The following TXNDC9 variants were observed in gnomAD, a reference collection of about 807,000 sequenced individuals.
TXNDC9 encodes the protein thioredoxin domain containing 9.
A neutral mutation model predicts 23.0 loss-of-function variants in TXNDC9; 7 were observed. The ratio of observed to expected loss-of-function variants is 0.30; its 90% confidence interval spans 0.17 to 0.57. The LOEUF (loss-of-function observed/expected upper bound fraction) is 0.57. Ranked by LOEUF, TXNDC9 falls within the 20% of genes least tolerant of loss-of-function variation. The pLI is 0.90. For missense variants in TXNDC9, 198 were observed against 252.6 expected (o/e 0.78, Z 1.47); for synonymous variants, 72 against 90.6 (o/e 0.79, Z 1.17).
chr2:99,331,366 G>A (rs937858309), intron 2 of TXNDC9, among the ~76,000 whole-genome samples: 7 of 151,872 alleles, frequency 4.6e-5, no homozygotes, highest in East Asian at 3.9e-4. Context: ...ATTTGAGGTC[G>A]GAATTTGAGA....
chr2:99,306,487 CA>C, the TXNDC9 span, among the ~76,000 whole-genome samples: 6,683 of 151,826 alleles, frequency 0.044, 221 homozygotes, highest in Middle Eastern at 0.068. Context: ...TGGGGAAAAT[CA>C]AGCTGCTTAG....
downstream of TXNDC9, among the ~76,000 whole-genome samples, chr2:99,316,324 C>T (rs1286779116): frequency 6.6e-6 from 1 of 152,028 alleles, no homozygotes; most frequent in Non-Finnish European, 1.5e-5. Context: ...GTGGATGCCA[C>T]CACACCTGGC....
chr2:99,310,924 C>T, the TXNDC9 span, among the ~76,000 whole-genome samples: 6 of 152,320 alleles, frequency 3.9e-5, no homozygotes, highest in East Asian at 3.9e-4. Context: ...ATCTTTTCTC[C>T]GTTCCTTCCT....
At chr2:99,316,946 C>T (rs1056432312), downstream of TXNDC9, among the ~76,000 whole-genome samples, 34 of 152,182 alleles carry the variant, frequency 2.2e-4, no homozygotes, top group African/African-American at 7.5e-4. Flanking sequence ...TTAGTAGAGA[C>T]GGGGTTTCAC....
chr2:99,330,842 C>A (rs1397831947), intron 2 of TXNDC9, among the ~76,000 whole-genome samples: 2 of 152,170 alleles, frequency 1.3e-5, no homozygotes, highest in African/African-American at 2.4e-5. Context: ...AATATCTATA[C>A]AAATCACTAG....
chr2:99,335,266 G>A (rs902685340), intron 1 of TXNDC9, among the ~76,000 whole-genome samples: 8 of 152,094 alleles, frequency 5.3e-5, no homozygotes, highest in Non-Finnish European at 1.0e-4. Context: ...GACCCACACA[G>A]GCCCTCTATA....
intron 2 of TXNDC9, among the ~76,000 whole-genome samples, chr2:99,328,814 TAA>T (rs776666484): frequency 1.5e-4 from 20 of 133,766 alleles, no homozygotes; most frequent in Admixed American, 1.5e-4. Flanking sequence ...CGTCTCTACT[TAA>T]AAAAAAAAAA....
chr2:99,308,553 G>A, the TXNDC9 span, among the ~76,000 whole-genome samples: 1 of 151,968 alleles, frequency 6.6e-6, no homozygotes, highest in East Asian at 1.9e-4. Context: ...GTGAGGCAAT[G>A]GGCTGGAATG....
At chr2:99,335,841 G>C (rs985557535) in intron 1 of TXNDC9, among the ~76,000 whole-genome samples, 2 of 152,342 alleles carry the variant, frequency 1.3e-5, no homozygotes, top group African/African-American at 4.8e-5. Context: ...CCCCTCGTTA[G>C]CTTTTCATTT....
rs1486816990 is a variant in TXNDC9 at position 99,322,206 on chromosome 2, A to G, written c.312T>C (p.Cys104=). 2 of 1,613,316 alleles carry G rather than the reference A, an allele frequency of 1.2e-6. No homozygotes were observed. The highest frequency in any genetic ancestry group is 2.2e-5 in the South Asian group (2 of 91,034). ...CHFYRDSTFR[C]KILDRHLAIL... ...TTGCCAGATGTCTGTCTAGTATTTTACACCTGTAAGTGACCACACATAGAA... is the reference window on the plus strand; with the variant it reads ...TTGCCAGATGTCTGTCTAGTATTTTGCACCTGTAAGTGACCACACATAGAA... The change falls in exon 4 of 5, where the codon TGT becomes TGC. Residue 104 remains cysteine, a synonymous_variant. Transcript: ENST00000264255.
At chr2:99,321,555 T>C (rs1015354429) in intron 4 of TXNDC9, 4 of 155,980 alleles carry the variant, frequency 2.6e-5, no homozygotes, top group African/African-American at 9.6e-5. Flanking sequence ...GAGTCTGCTT[T>C]TAATTTTTAT....
At chr2:99,306,579 G>A in the TXNDC9 span, among the ~76,000 whole-genome samples, 6 of 152,174 alleles carry the variant, frequency 3.9e-5, no homozygotes, top group East Asian at 1.9e-4. Flanking sequence ...AACTTGGGAA[G>A]GAATCCTTCC....
intron 1 of TXNDC9, among the ~76,000 whole-genome samples, chr2:99,334,316 T>C (rs1289191877): frequency 2.6e-5 from 4 of 152,066 alleles, no homozygotes; most frequent in African/African-American, 9.7e-5. Flanking sequence ...AACGCACCAC[T>C]TGCACCCCAC....
At chr2:99,327,111 C>T (rs2094214348) in intron 3 of TXNDC9, among the ~76,000 whole-genome samples, 1 of 151,974 alleles carries the variant, frequency 6.6e-6, no homozygotes, top group African/African-American at 2.4e-5. Context: ...CTCACTCTAT[C>T]GCTCGAGCTG....
downstream of TXNDC9, among the ~76,000 whole-genome samples, chr2:99,315,625 T>G (rs1407039012): frequency 6.6e-6 from 1 of 152,230 alleles, no homozygotes; most frequent in African/African-American, 2.4e-5. Context: ...ATATTCCTCT[T>G]AGAGTTTTAT....
intron 4 of TXNDC9, 154 bp downstream of exon 4, chr2:99,321,801 A>C: frequency 1.2e-6 from 1 of 853,768 alleles, no homozygotes; most frequent in Non-Finnish European, 1.7e-6. Flanking sequence ...AATATTACAC[A>C]CTTCAAAAAA....
At chr2:99,322,607 A>T (rs908163918) in intron 3 of TXNDC9, 11 of 1,540,502 alleles carry the variant, frequency 7.1e-6, no homozygotes, top group Non-Finnish European at 8.7e-6. Context: ...AGTCATGAAG[A>T]AAAACTGAAC....
At chr2:99,331,404 A>G (rs1452520684) in intron 2 of TXNDC9, among the ~76,000 whole-genome samples, 14 of 151,406 alleles carry the variant, frequency 9.2e-5, no homozygotes. Flanking sequence ...ATGAAACCCC[A>G]TCTCTACTAA....
chr2:99,311,443 A>G, the TXNDC9 span, among the ~76,000 whole-genome samples: 18 of 151,828 alleles, frequency 1.2e-4, no homozygotes, highest in African/African-American at 4.4e-4. Flanking sequence ...GCGTGCCACC[A>G]TGCCCGGTTA....
Sources: gnomAD v4.1 joint callset for allele counts (sites outside exome capture counted in the v4.1 genomes callset) on GRCh38, gnomAD v4.1.1 for gene constraint, MANE v1.5 for transcripts, NCBI Gene and HGNC (gene_info 2026-07-23, HGNC 2026-07-21) for gene names.